GPC6: variants seen among roughly 807,000 people sequenced by gnomAD.
GPC6 encodes glypican 6.
Under a neutral mutation model 55.2 loss-of-function variants are expected in GPC6, and 14 were observed. The ratio of observed to expected loss-of-function variants is 0.25; its 90% CI spans 0.17 to 0.40. The LOEUF (loss-of-function observed/expected upper bound fraction) is 0.40, where lower values mean the gene tolerates loss of function less well. Ranked by LOEUF, GPC6 falls within the 10% of genes least tolerant of loss-of-function variation. GPC6 has a pLI of 1.00. For missense variants in GPC6, 641 were observed against 708.5 expected (o/e 0.90, Z 1.08); for synonymous variants, 278 against 259.6 (o/e 1.07, Z -0.68).
intron 3 of GPC6, among the ~76,000 whole-genome samples, chr13:93,914,091 G>A (rs1877156228): frequency 1.3e-5 from 2 of 151,904 alleles, no homozygotes; most frequent in African/African-American, 2.4e-5. Context: ...TATACTTTAA[G>A]TTTTAGGGTA....
intron 2 of GPC6, among the ~76,000 whole-genome samples, chr13:93,723,178 C>G (rs1443123783): frequency 6.6e-6 from 1 of 151,932 alleles, no homozygotes; most frequent in Non-Finnish European, 1.5e-5. Context: ...CTTTTACCTA[C>G]CAACAGTGCA....
At chr13:94,206,382 T>C (rs1404236035) in intron 4 of GPC6, among the ~76,000 whole-genome samples, 1 of 152,210 alleles carries the variant, frequency 6.6e-6, no homozygotes, top group East Asian at 1.9e-4. Flanking sequence ...GACCACATTA[T>C]TTAATAACGG....
chr13:94,306,235 A>G (rs1424339531), intron 6 of GPC6, 112 bp downstream of exon 6: 1 of 1,012,482 alleles, frequency 9.9e-7, no homozygotes, highest in Non-Finnish European at 1.6e-6. Context: ...TCTCATGCTT[A>G]TATCTGCCTC....
chr13:94,313,092 C>T (rs946651838), intron 6 of GPC6, among the ~76,000 whole-genome samples: 3 of 152,114 alleles, frequency 2.0e-5, no homozygotes, highest in African/African-American at 7.2e-5. Flanking sequence ...AATAAAAAAA[C>T]GTTAAAACCA....
intron 3 of GPC6, among the ~76,000 whole-genome samples, chr13:93,873,018 A>T (rs1313873456): frequency 2.6e-5 from 4 of 151,986 alleles, no homozygotes; most frequent in Non-Finnish European, 1.5e-5. Flanking sequence ...GCTTCATGTA[A>T]AACAATAATA....
At chr13:93,970,028 A>C (rs1398067099) in intron 3 of GPC6, among the ~76,000 whole-genome samples, 2 of 152,216 alleles carry the variant, frequency 1.3e-5, no homozygotes, top group Non-Finnish European at 2.9e-5. Flanking sequence ...TGGCCATACC[A>C]TGCTGAATGT....
At chr13:93,410,805 C>A (rs1021855377) in intron 1 of GPC6, among the ~76,000 whole-genome samples, 1 of 152,136 alleles carries the variant, frequency 6.6e-6, no homozygotes, top group Non-Finnish European at 1.5e-5. Context: ...TCTTAAACTT[C>A]TTTCAATGAC....
intron 7 of GPC6, among the ~76,000 whole-genome samples, chr13:94,392,586 C>T (rs1193829951): frequency 2.6e-5 from 4 of 151,950 alleles, no homozygotes; most frequent in East Asian, 1.9e-4. Context: ...TGCGCCACCA[C>T]GCGTGGCTAA....
chr13:94,355,479 C>T (rs975941071), intron 6 of GPC6, among the ~76,000 whole-genome samples: 43 of 152,280 alleles, frequency 2.8e-4, no homozygotes, highest in African/African-American at 9.6e-4. Context: ...CCATACACAT[C>T]GTACTGAAAG....
At chr13:94,155,061 A>C (rs373405963) in intron 4 of GPC6, among the ~76,000 whole-genome samples, 24 of 152,134 alleles carry the variant, frequency 1.6e-4, no homozygotes, top group African/African-American at 5.8e-4. Context: ...CTGGGGGTAC[A>C]CCTCTAAATT....
At chr13:93,995,143 T>C (rs1881479179) in intron 3 of GPC6, among the ~76,000 whole-genome samples, 1 of 150,950 alleles carries the variant, frequency 6.6e-6, no homozygotes, top group South Asian at 2.1e-4. Context: ...ATTTTTCACA[T>C]AGCACCCTGT....
chr13:94,313,013 A>C (rs951147720), intron 6 of GPC6, among the ~76,000 whole-genome samples: 3 of 152,114 alleles, frequency 2.0e-5, no homozygotes, highest in South Asian at 2.1e-4. Context: ...GAGACACCCC[A>C]GTTTCATTTT....
At chr13:93,451,039 T>A (rs1442812876) in intron 1 of GPC6, among the ~76,000 whole-genome samples, 1 of 152,136 alleles carries the variant, frequency 6.6e-6, no homozygotes, top group Non-Finnish European at 1.5e-5. Flanking sequence ...GAAAGTTATT[T>A]AAGGGCAAGA....
chr13:94,082,682 C>T (rs719223), intron 4 of GPC6, among the ~76,000 whole-genome samples: 41,923 of 152,102 alleles, frequency 0.28, 6,778 homozygotes, highest in Middle Eastern at 0.42. Flanking sequence ...ATTTTACACT[C>T]ACTGACTGTG....
chr13:94,249,797 T>C (rs1891296345), intron 4 of GPC6, among the ~76,000 whole-genome samples: 1 of 152,066 alleles, frequency 6.6e-6, no homozygotes, highest in Non-Finnish European at 1.5e-5. Context: ...TTGACAAGCT[T>C]GATGGCCCAA....
chr13:93,605,223 G>A (rs1878188670), intron 2 of GPC6, among the ~76,000 whole-genome samples: 5 of 152,050 alleles, frequency 3.3e-5, no homozygotes, highest in African/African-American at 1.2e-4. Flanking sequence ...TTAATATCTG[G>A]TTTCCTGATA....
At chr13:93,780,594 TACACACAC>T (rs35134947) in intron 2 of GPC6, among the ~76,000 whole-genome samples, 58 of 143,932 alleles carry the variant, frequency 4.0e-4, no homozygotes, top group East Asian at 8.2e-4. Context: ...ATCACAAAAA[TACACACAC>T]ACACACACAC....
intron 1 of GPC6, among the ~76,000 whole-genome samples, chr13:93,506,162 C>G (rs537388733): frequency 6.6e-6 from 1 of 152,110 alleles, no homozygotes; most frequent in African/African-American, 2.4e-5. Context: ...TCAGAGCCCA[C>G]TCCACCCCAC....
intron 1 of GPC6, among the ~76,000 whole-genome samples, chr13:93,528,280 A>G (rs1190798957): frequency 6.6e-6 from 1 of 152,194 alleles, no homozygotes; most frequent in African/African-American, 2.4e-5. Context: ...CACCAAATTC[A>G]ATAGTAAAGT....
Sources: gnomAD v4.1 joint callset for allele counts (sites outside exome capture counted in the v4.1 genomes callset) on GRCh38, gnomAD v4.1.1 for gene constraint, MANE v1.5 for transcripts, NCBI Gene and HGNC (gene_info 2026-07-23, HGNC 2026-07-21) for gene names.